The following KIF6 variants were observed in gnomAD, a reference collection of about 807,000 sequenced individuals.
KIF6 encodes kinesin family member 6, also known as kinesin-like protein KIF6.
KIF6 carries 106 observed loss-of-function variants against 112.7 expected under a neutral mutation model. That is an observed-to-expected ratio of 0.94 (90% CI 0.80 to 1.11). The LOEUF is 1.11. KIF6 is among the 50% of genes least tolerant of loss of function. The probability of loss-of-function intolerance (pLI) is 0.00; values close to 1 mark genes in which losing one functional copy is unlikely to be tolerated. For missense variants in KIF6, 929 were observed against 964.0 expected, an observed-to-expected ratio of 0.96 and a Z score of 0.48; for synonymous variants, 339 against 339.9, an observed-to-expected ratio of 1.00 and a Z score of 0.03.
intron 5 of KIF6, chr6:39,620,549 T>G (rs972906360): frequency 6.6e-6 from 1 of 152,176 alleles, no homozygotes; most frequent in Non-Finnish European, 1.5e-5. Flanking sequence ...ATTCAGTTTA[T>G]TATTTTTCCA....
intron 15 of KIF6, among the ~76,000 whole-genome samples, chr6:39,404,347 T>C (rs1193110940): frequency 2.6e-5 from 4 of 152,234 alleles, no homozygotes; most frequent in South Asian, 4.1e-4. Context: ...TTTTTGTATA[T>C]GGTGTAAGAT....
chr6:39,717,392 T>C (rs977828788), intron 2 of KIF6, among the ~76,000 whole-genome samples: 1 of 152,200 alleles, frequency 6.6e-6, no homozygotes, highest in Non-Finnish European at 1.5e-5. Flanking sequence ...TCACTCTTGC[T>C]ATTCCCTTGG....
At chr6:39,360,662 C>T (rs1340533640) in intron 17 of KIF6, 132 bp from the exon 18 acceptor site, 8 of 970,502 alleles carry the variant, frequency 8.2e-6, no homozygotes, top group Non-Finnish European at 1.2e-5. Context: ...GACTGGGACC[C>T]TATAGGAGCT....
intron 3 of KIF6, among the ~76,000 whole-genome samples, chr6:39,681,851 T>C (rs1168522697): frequency 1.3e-5 from 2 of 152,198 alleles, no homozygotes; most frequent in Non-Finnish European, 2.9e-5. Context: ...TTTAACTGTA[T>C]TGGCATTATG....
chr6:39,649,769 GAAA>G (rs10555060), intron 3 of KIF6, among the ~76,000 whole-genome samples: 19,030 of 102,622 alleles, frequency 0.19, 1,541 homozygotes, highest in East Asian at 0.26. Flanking sequence ...AAGAAAGAAA[GAAA>G]GAAAAGAAAC....
chr6:39,568,822 A>AT (rs1414535051), intron 10 of KIF6, among the ~76,000 whole-genome samples: 4 of 152,156 alleles, frequency 2.6e-5, no homozygotes, highest in Non-Finnish European at 5.9e-5. Context: ...AAGTGCTGGG[A>AT]TTATAGGCAT....
chr6:39,502,069 T>A (rs901842110), intron 13 of KIF6, among the ~76,000 whole-genome samples: 1 of 150,578 alleles, frequency 6.6e-6, no homozygotes, highest in African/African-American at 2.4e-5. Flanking sequence ...AGAAAAAAAA[T>A]GTTAAGGGCA....
chr6:39,591,094 T>C (rs1781929186), intron 7 of KIF6, among the ~76,000 whole-genome samples: 2 of 152,168 alleles, frequency 1.3e-5, no homozygotes, highest in African/African-American at 4.8e-5. Flanking sequence ...TGAGGTTCAG[T>C]AGGCATGAGC....
chr6:39,642,611 G>T (rs1167026481), intron 3 of KIF6, among the ~76,000 whole-genome samples: 1 of 152,058 alleles, frequency 6.6e-6, no homozygotes, highest in Admixed American at 6.6e-5. Context: ...TGTCCTCGGG[G>T]TGTTTGTTGA....
chr6:39,452,637 C>T (rs1442421995), intron 13 of KIF6, among the ~76,000 whole-genome samples: 1 of 152,120 alleles, frequency 6.6e-6, no homozygotes, highest in Non-Finnish European at 1.5e-5. Flanking sequence ...TCGCCCTTAC[C>T]AAATGCTGTG....
At chr6:39,552,834 T>C (rs1779464079) in intron 10 of KIF6, among the ~76,000 whole-genome samples, 1 of 152,104 alleles carries the variant, frequency 6.6e-6, no homozygotes, top group Non-Finnish European at 1.5e-5. Flanking sequence ...CTTTAAAACA[T>C]ACAGTATTGA....
chr6:39,685,749 T>G (rs925400270), intron 3 of KIF6, among the ~76,000 whole-genome samples: 1 of 152,226 alleles, frequency 6.6e-6, no homozygotes, highest in African/African-American at 2.4e-5. Flanking sequence ...TGGTGTTTCT[T>G]GACCACAGGT....
At chr6:39,422,134 GCTGAAATTCACA>G (rs796254491) in intron 14 of KIF6, among the ~76,000 whole-genome samples, 52 of 152,300 alleles carry the variant, frequency 3.4e-4, no homozygotes, top group African/African-American at 2.4e-4. Flanking sequence ...GTGCAAAACT[GCTGAAATTCACA>G]CTGAAATTCA....
intron 3 of KIF6, among the ~76,000 whole-genome samples, chr6:39,648,225 G>A (rs867039626): frequency 2.7e-5 from 2 of 73,006 alleles, no homozygotes; most frequent in Non-Finnish European, 5.4e-5. Context: ...GGGGCGGGCG[G>A]GGGGGGGTGC....
rs1291494222 is a variant in KIF6 at position 39,586,344 on chromosome 6, T to A, written c.907A>T (p.Thr303Ser). The A allele has an allele frequency of 6.2e-7, 1 of 1,614,020 alleles. No homozygotes were observed. Among genetic ancestry groups the A allele is most frequent in the Non-Finnish European group, 8.5e-7 (1 of 1,179,860 alleles). ...CCCAAACTGTCTCTTAGGACACTGGTCATCATGGAGTTTCTATAAGGAATG... is the reference window on the plus strand; with the variant it reads ...CCCAAACTGTCTCTTAGGACACTGGACATCATGGAGTTTCTATAAGGAATG... ...SHIPYRNSMM[T>S]SVLRDSLGGN... Residue 303 changes from threonine (T) to serine (S), a missense_variant, in exon 8 of 23, where the codon ACC (threonine) becomes TCC (serine). Transcript: ENST00000287152.
At chr6:39,619,206 T>A (rs1456781646) in intron 5 of KIF6, among the ~76,000 whole-genome samples, 3 of 152,206 alleles carry the variant, frequency 2.0e-5, no homozygotes, top group Non-Finnish European at 4.4e-5. Flanking sequence ...GAGTAATTCT[T>A]GTGATAAATT....
chr6:39,593,826 C>T (rs1014051038), intron 7 of KIF6, among the ~76,000 whole-genome samples: 1 of 152,148 alleles, frequency 6.6e-6, no homozygotes, highest in Non-Finnish European at 1.5e-5. Context: ...CAACTCTCAC[C>T]TCCTCAGTCT....
At chr6:39,669,700 T>TAGAC (rs1174440185) in intron 3 of KIF6, among the ~76,000 whole-genome samples, 1 of 152,212 alleles carries the variant, frequency 6.6e-6, no homozygotes, top group East Asian at 1.9e-4. Context: ...CGGAATAGAA[T>TAGAC]AGACATATTT....
intron 4 of KIF6, among the ~76,000 whole-genome samples, chr6:39,637,080 C>A (rs576697554): frequency 1.4e-4 from 21 of 151,908 alleles, no homozygotes; most frequent in Admixed American, 3.9e-4. Context: ...TTTCTAGAAG[C>A]CTTCAAATGG....
Sources: gnomAD v4.1 joint callset for allele counts (sites outside exome capture counted in the v4.1 genomes callset) on GRCh38, gnomAD v4.1.1 for gene constraint, MANE v1.5 for transcripts, NCBI Gene and HGNC (gene_info 2026-07-23, HGNC 2026-07-21) for gene names.